The following NEGR1 variants were observed in gnomAD, a reference collection of about 807,000 sequenced individuals.
NEGR1 encodes the protein IgLON family member 4.
A neutral mutation model predicts 40.9 loss-of-function variants in NEGR1; 10 were observed. The observed-to-expected ratio is 0.24, with a 90% CI of 0.15 to 0.42. The LOEUF (loss-of-function observed/expected upper bound fraction) is 0.42, where lower values mean the gene tolerates loss of function less well. Ranked by LOEUF, NEGR1 falls within the 10% of genes least tolerant of loss-of-function variation. The pLI is 1.00. For missense variants in NEGR1, 352 were observed against 438.9 expected, an observed-to-expected ratio of 0.80 and a Z score of 1.77; for synonymous variants, 185 against 166.8, an observed-to-expected ratio of 1.11 and a Z score of -0.84.
At chr1:72,270,839 C>T (rs1039206274) in intron 1 of NEGR1, among the ~76,000 whole-genome samples, 5 of 151,762 alleles carry the variant, frequency 3.3e-5, no homozygotes, top group African/African-American at 1.2e-4. Flanking sequence ...TGGGTCTGCA[C>T]CCCAACAGCT....
At chr1:71,620,768 T>G (rs181697641) in intron 4 of NEGR1, among the ~76,000 whole-genome samples, 1 of 152,008 alleles carries the variant, frequency 6.6e-6, no homozygotes, top group East Asian at 1.9e-4. Flanking sequence ...TAGTTTGTAA[T>G]GTACCTCCAG....
At chr1:71,656,816 TA>T (rs1651894050) in intron 4 of NEGR1, among the ~76,000 whole-genome samples, 1 of 152,230 alleles carries the variant, frequency 6.6e-6, no homozygotes, top group Non-Finnish European at 1.5e-5. Context: ...ATAATTTAAG[TA>T]AAACCTTCAG....
intron 1 of NEGR1, among the ~76,000 whole-genome samples, chr1:72,205,483 C>A (rs1235701002): frequency 1.3e-5 from 2 of 150,668 alleles, no homozygotes; most frequent in Non-Finnish European, 3.0e-5. Flanking sequence ...TTATATTAGA[C>A]TGGAATTAGA....
chr1:71,561,989 T>C (rs1303685202), intron 6 of NEGR1, among the ~76,000 whole-genome samples: 2 of 150,324 alleles, frequency 1.3e-5, no homozygotes, highest in Non-Finnish European at 3.0e-5. Flanking sequence ...TTGCAATTCC[T>C]TTTTTAGAGG....
chr1:71,717,056 G>A (rs577600168), intron 3 of NEGR1, among the ~76,000 whole-genome samples: 3 of 152,106 alleles, frequency 2.0e-5, no homozygotes, highest in Admixed American at 6.6e-5. Flanking sequence ...TTCCAGCTAG[G>A]TTCTGTTCTG....
At chr1:72,051,670 C>A (rs1341137588) in intron 1 of NEGR1, among the ~76,000 whole-genome samples, 1 of 151,352 alleles carries the variant, frequency 6.6e-6, no homozygotes, top group East Asian at 1.9e-4. Context: ...AGACGGAGCA[C>A]CTGTGAGGAT....
At chr1:71,706,147 C>T (rs552166724) in intron 3 of NEGR1, among the ~76,000 whole-genome samples, 10 of 152,326 alleles carry the variant, frequency 6.6e-5, no homozygotes, top group East Asian at 1.9e-4. Context: ...TGCAGCTGTG[C>T]GGTGCACAGA....
intron 3 of NEGR1, among the ~76,000 whole-genome samples, chr1:71,763,865 C>T (rs1369622573): frequency 6.6e-6 from 1 of 151,840 alleles, no homozygotes; most frequent in Non-Finnish European, 1.5e-5. Flanking sequence ...TATCTCCATC[C>T]CAATTTTAAT....
intron 6 of NEGR1, among the ~76,000 whole-genome samples, chr1:71,540,632 T>C (rs1302479051): frequency 1.3e-5 from 2 of 151,736 alleles, no homozygotes; most frequent in African/African-American, 2.4e-5. Context: ...CAGTTTGACA[T>C]GCTGAATCTA....
chr1:71,860,967 C>A (rs546609246), intron 2 of NEGR1, among the ~76,000 whole-genome samples: 85 of 151,884 alleles, frequency 5.6e-4, no homozygotes, highest in Non-Finnish European at 9.3e-4. Flanking sequence ...TGAGAAGAGG[C>A]CATTGAGATG....
At chr1:71,796,740 A>G (rs962381918) in intron 2 of NEGR1, among the ~76,000 whole-genome samples, 1 of 152,160 alleles carries the variant, frequency 6.6e-6, no homozygotes, top group African/African-American at 2.4e-5. Flanking sequence ...CTTCTTTACA[A>G]TCTCTTTAGA....
At chr1:72,159,371 C>T (rs1486974934) in intron 1 of NEGR1, among the ~76,000 whole-genome samples, 1 of 152,070 alleles carries the variant, frequency 6.6e-6, no homozygotes, top group African/African-American at 2.4e-5. Context: ...GAATATCACT[C>T]AGAGGTAAAA....
chr1:71,977,888 C>T (rs899172819), intron 1 of NEGR1, among the ~76,000 whole-genome samples: 7 of 151,662 alleles, frequency 4.6e-5, no homozygotes, highest in Non-Finnish European at 1.0e-4. Context: ...TACCTAATTT[C>T]GCTCTCTGCC....
At chr1:72,007,579 T>C (rs1646619223) in intron 1 of NEGR1, among the ~76,000 whole-genome samples, 1 of 151,908 alleles carries the variant, frequency 6.6e-6, no homozygotes, top group South Asian at 2.1e-4. Context: ...AAAAAACACA[T>C]GTAAGCAATC....
chr1:71,788,711 G>A (rs1657000703), intron 2 of NEGR1, among the ~76,000 whole-genome samples: 1 of 151,744 alleles, frequency 6.6e-6, no homozygotes, highest in African/African-American at 2.4e-5. Context: ...TGTAACATCA[G>A]TATGTGCCTT....
intron 1 of NEGR1, among the ~76,000 whole-genome samples, chr1:72,175,083 C>T (rs1376569823): frequency 6.6e-6 from 1 of 152,004 alleles, no homozygotes; most frequent in Middle Eastern, 3.2e-3. Context: ...CGTCATTTAG[C>T]ATTAGCTGTA....
chr1:72,169,087 A>G lies in NEGR1; in HGVS notation c.176+113232T>C, dbSNP rs528931903. On this transcript the variant is annotated intron_variant, in intron 1 of 6. Coordinates refer to ENST00000357731, the MANE Select transcript of NEGR1 (RefSeq NM_173808.3). ...TATAACAATTTTTAAATTTAATATC[A>G]TAAGAAAAATGTATTAATTATTTTC... Among the ~76,000 whole-genome samples the G allele has an allele frequency of 9.2e-5, 14 of 152,342 alleles. No individual in the cohort carries two copies. In the East Asian group the frequency reaches 2.5e-3, roughly 27 times the overall value.
At chr1:71,649,258 A>G (rs551476470) in intron 4 of NEGR1, among the ~76,000 whole-genome samples, 4 of 152,136 alleles carry the variant, frequency 2.6e-5, no homozygotes, top group Non-Finnish European at 5.9e-5. Context: ...ATAACTTTAA[A>G]CCAGCATAGC....
intron 1 of NEGR1, among the ~76,000 whole-genome samples, chr1:72,268,569 C>A (rs182718481): frequency 6.6e-6 from 1 of 151,258 alleles, no homozygotes; most frequent in Non-Finnish European, 1.5e-5. Flanking sequence ...GGACTCAATG[C>A]ATAAATGCTG....
Sources: gnomAD v4.1 joint callset for allele counts (sites outside exome capture counted in the v4.1 genomes callset) on GRCh38, gnomAD v4.1.1 for gene constraint, MANE v1.5 for transcripts, NCBI Gene and HGNC (gene_info 2026-07-23, HGNC 2026-07-21) for gene names.